Variants in DEPDC5 observed in about 807,000 individuals in gnomAD.
The protein encoded by DEPDC5 is GATOR1 complex protein DEPDC5.
A neutral mutation model predicts 217.3 loss-of-function variants in DEPDC5; 73 were observed. That is an observed-to-expected ratio of 0.34 (90% CI 0.28 to 0.41). The LOEUF is 0.41. DEPDC5 is among the 10% of genes least tolerant of loss of function. The pLI, the probability that DEPDC5 is intolerant of heterozygous loss-of-function variation, is 1.00. For synonymous variants in DEPDC5, 733 were observed against 756.7 expected (o/e 0.97, Z 0.51); for missense variants, 1,675 against 2,070.1 (o/e 0.81, Z 3.70).
chr22:31,870,445 G>A (rs80282014), intron 33 of DEPDC5, 145 bp from the exon 34 acceptor site: 16,227 of 893,738 alleles, frequency 0.018, 177 homozygotes, highest in Non-Finnish European at 0.022. Flanking sequence ...GGGGTAGTGG[G>A]AATGAGCAGA....
chr22:31,877,128 GAAACTCCGTCTCAA>G (rs2093015339), intron 37 of DEPDC5, among the ~76,000 whole-genome samples: 1 of 151,790 alleles, frequency 6.6e-6, no homozygotes, highest in Middle Eastern at 3.2e-3. Context: ...GGTTGACAGT[GAAACTCCGTCTCAA>G]AAACAACAGC....
intron 22 of DEPDC5, among the ~76,000 whole-genome samples, chr22:31,820,144 C>T (rs2049366170): frequency 6.6e-6 from 1 of 152,040 alleles, no homozygotes; most frequent in South Asian, 2.1e-4. Context: ...CAGTGTCTCA[C>T]TCTGTTACGT....
chr22:31,807,912 G>A (rs1362630693), intron 18 of DEPDC5, among the ~76,000 whole-genome samples: 1 of 152,000 alleles, frequency 6.6e-6, no homozygotes, highest in East Asian at 1.9e-4. Flanking sequence ...TTTTTAGGGG[G>A]GAGGGCTGTT....
At chr22:31,874,190 TC>T in intron 35 of DEPDC5, 82 bp from the exon 36 acceptor site, 2 of 1,528,892 alleles carry the variant, frequency 1.3e-6, no homozygotes, top group Middle Eastern at 2.3e-4. Context: ...CTAGTGGGAG[TC>T]CCTTCTTTTT....
intron 5 of DEPDC5, among the ~76,000 whole-genome samples, chr22:31,765,402 G>T (rs535544217): frequency 9.0e-4 from 137 of 152,216 alleles, no homozygotes; most frequent in African/African-American, 3.3e-3. Context: ...CCATTCTCCT[G>T]CCTCAGCCTC....
At chr22:31,830,673 G>A (rs2090531533) in intron 24 of DEPDC5, among the ~76,000 whole-genome samples, 1 of 149,672 alleles carries the variant, frequency 6.7e-6, no homozygotes, top group African/African-American at 2.5e-5. Flanking sequence ...GTGTGTGTAG[G>A]TAGGTGTGTC....
intron 37 of DEPDC5, among the ~76,000 whole-genome samples, 175 bp downstream of exon 37, chr22:31,876,440 G>A (rs1020465111): frequency 6.6e-6 from 1 of 152,192 alleles, no homozygotes; most frequent in Non-Finnish European, 1.5e-5. Flanking sequence ...GAGTGACAAG[G>A]GTTTCTTAAG....
intron 36 of DEPDC5, chr22:31,875,135 A>G (rs1403675163): frequency 6.0e-6 from 1 of 165,938 alleles, no homozygotes; most frequent in Non-Finnish European, 1.5e-5. Context: ...AGTTGTCATC[A>G]TGGAAATGTT....
intron 41 of DEPDC5, 117 bp downstream of exon 41, chr22:31,901,919 T>C: frequency 2.2e-6 from 2 of 915,662 alleles, no homozygotes; most frequent in Non-Finnish European, 3.4e-6. Context: ...ATTCCACCAA[T>C]GGCAAATTCA....
chr22:31,810,447 A>G, intron 19 of DEPDC5, 74 bp from the exon 20 acceptor site: 2 of 1,593,564 alleles, frequency 1.3e-6, no homozygotes, highest in East Asian at 2.2e-5. Flanking sequence ...AATTTATATT[A>G]TTTGTGTATT....
At position 31,844,808 on chromosome 22, in the gene DEPDC5, G is replaced by T. The variant is rs2091626677; in HGVS notation, c.2802-210G>T. Reference sequence around the variant, plus strand: ...GAGTTCAAGCAATCCTCCTGCCTCGGCCTCCCAAAGTGCTGGGATTATAGG... The same window carrying T: ...GAGTTCAAGCAATCCTCCTGCCTCGTCCTCCCAAAGTGCTGGGATTATAGG... On this transcript the variant is annotated intron_variant, in intron 29 of 42. Coordinates refer to ENST00000651528, the MANE Select transcript of DEPDC5 (RefSeq NM_001242896.3). 3.6e-5 allele frequency: 18 copies of T among 496,844 alleles called. 1 individual carries two copies. The South Asian group carries it at 4.4e-4, about 12-fold the overall frequency. 30.8% of individuals were successfully genotyped at this position (496,844 alleles called of 1,614,324 possible).
At chr22:31,766,497 GT>G in intron 5 of DEPDC5, 87 bp from the exon 6 acceptor site, 1 of 1,351,774 alleles carries the variant, frequency 7.4e-7, no homozygotes, top group Non-Finnish European at 1.0e-6. Flanking sequence ...TTTGCAATAA[GT>G]TTTTTTCCAT....
Position 31,806,177 on chromosome 22 carries a change from C to G in DEPDC5, c.1273C>G (p.Leu425Val), listed in dbSNP as rs2087513191. 2 of 1,613,810 alleles carry G rather than the reference C, an allele frequency of 1.2e-6. No homozygotes were observed. The highest frequency in any genetic ancestry group is 1.7e-5 in the Admixed American group (1 of 59,952). The change falls in exon 18 of 43, where the codon CTG becomes GTG. Residue 425 changes from leucine to valine, a missense_variant. By Grantham distance (32) the Leu-to-Val change is conservative. Coordinates refer to ENST00000651528, the MANE Select transcript of DEPDC5 (RefSeq NM_001242896.3). ...TAATAGTTTCACCCCACGAATAAAACTGGCAGGAAAGAAGGTAGGTTTTTA... is the reference window on the plus strand; with the variant it reads ...TAATAGTTTCACCCCACGAATAAAAGTGGCAGGAAAGAAGGTAGGTTTTTA... ...FCNSFTPRIK[L>V]AGKKPASEKA...
intron 31 of DEPDC5, among the ~76,000 whole-genome samples, chr22:31,849,433 G>A (rs946742839): frequency 4.6e-5 from 7 of 152,236 alleles, no homozygotes; most frequent in African/African-American, 7.2e-5. Flanking sequence ...GCTTCTTCAC[G>A]TGGCAGCAGC....
intron 33 of DEPDC5, among the ~76,000 whole-genome samples, chr22:31,865,274 A>G (rs145413907): frequency 1.7e-3 from 253 of 152,310 alleles, no homozygotes; most frequent in East Asian, 8.9e-3. Context: ...GAAGATCCCT[A>G]TTAGTCCAGG....
At chr22:31,867,065 C>T (rs2092709076) in intron 33 of DEPDC5, among the ~76,000 whole-genome samples, 1 of 152,090 alleles carries the variant, frequency 6.6e-6, no homozygotes, top group Non-Finnish European at 1.5e-5. Flanking sequence ...CAGTGGAGTC[C>T]TTTTTTCGGA....
At chr22:31,755,978 T>G (rs2075294285) in intron 2 of DEPDC5, among the ~76,000 whole-genome samples, 2 of 151,732 alleles carry the variant, frequency 1.3e-5, no homozygotes, top group Non-Finnish European at 2.9e-5. Flanking sequence ...GTTCAAGCAA[T>G]TCTTCTGCCT....
rs763352845 is a variant in DEPDC5, at chr22:31,834,010, G to A, written c.2170+30G>A. The A allele has an allele frequency of 1.1e-5, 18 of 1,607,466 alleles. No homozygotes were observed. In the East Asian group the frequency reaches 3.8e-4, roughly 34 times the overall value. On this transcript the variant is annotated intron_variant, in intron 25 of 42. Transcript: ENST00000651528. ...GAGGGGGCAGCTGACTGGGGAAAGGGGTAGACAGGGAGTGTGGGGTGGTCA... is the reference window on the plus strand; with the variant it reads ...GAGGGGGCAGCTGACTGGGGAAAGGAGTAGACAGGGAGTGTGGGGTGGTCA...
chr22:31,781,246 A>G (rs573890594), intron 8 of DEPDC5, among the ~76,000 whole-genome samples: 1 of 151,962 alleles, frequency 6.6e-6, no homozygotes, highest in Non-Finnish European at 1.5e-5. Flanking sequence ...AAAAAAAAAA[A>G]ACAAAGAATT....
Sources: gnomAD v4.1 joint callset for allele counts (sites outside exome capture counted in the v4.1 genomes callset) on GRCh38, gnomAD v4.1.1 for gene constraint, MANE v1.5 for transcripts, NCBI Gene and HGNC (gene_info 2026-07-23, HGNC 2026-07-21) for gene names.